Variants in KIZ observed in about 807,000 individuals in gnomAD.
The protein encoded by KIZ is centrosomal protein kizuna.
A neutral mutation model predicts 79.6 loss-of-function variants in KIZ; 68 were observed. The ratio of observed to expected loss-of-function variants is 0.85; its 90% CI spans 0.70 to 1.05. The LOEUF (loss-of-function observed/expected upper bound fraction) is 1.05. Ranked by LOEUF, KIZ falls within the 50% of genes least tolerant of loss-of-function variation. The pLI, the probability that KIZ is intolerant of heterozygous loss-of-function variation, is 0.00. For missense variants in KIZ, 797 were observed against 800.4 expected (o/e 1.00, Z 0.05); for synonymous variants, 280 against 281.8 (o/e 0.99, Z 0.06).
chr20:21,223,657 C>T (rs1287214975), intron 9 of KIZ, among the ~76,000 whole-genome samples: 1 of 149,940 alleles, frequency 6.7e-6, no homozygotes, highest in African/African-American at 2.5e-5. Flanking sequence ...CCTATTTTCT[C>T]TCTCTCTCTT....
intron 11 of KIZ, among the ~76,000 whole-genome samples, chr20:21,241,616 A>C (rs77955154): frequency 0.013 from 2,038 of 152,326 alleles, 51 homozygotes; most frequent in African/African-American, 0.047. Context: ...ACACTGTGTA[A>C]CCACAGGACA....
Position 21,228,719 on chromosome 20 carries a change from C to T in KIZ, c.1679-292C>T, listed in dbSNP as rs185081606. 3.9e-5 allele frequency among the ~76,000 whole-genome samples: 6 copies of T among 152,254 alleles called. No homozygotes were observed. The East Asian group carries it at 5.8e-4, about 15-fold the overall frequency. ...TCCCGTAGCTGTCTCTACAAGGCCC[C>T]GAGGGAAGTGAAACTGTTTTGCTGT... On this transcript the variant is annotated intron_variant, in intron 9 of 12. Coordinates refer to ENST00000619189, the MANE Select transcript of KIZ (RefSeq NM_018474.6).
chr20:21,202,611 G>T (rs569290654), intron 6 of KIZ, among the ~76,000 whole-genome samples: 8 of 152,246 alleles, frequency 5.3e-5, no homozygotes, highest in Non-Finnish European at 1.2e-4. Context: ...ATTGAGGAAG[G>T]TTCTGAACTG....
chr20:21,129,708 G>A (rs1301049539), intron 1 of KIZ, among the ~76,000 whole-genome samples: 2 of 151,436 alleles, frequency 1.3e-5, no homozygotes, highest in East Asian at 3.9e-4. Context: ...CTCCAGCTTG[G>A]GCAACAGAGT....
At chr20:21,142,335 T>G (rs2032600664) in intron 3 of KIZ, among the ~76,000 whole-genome samples, 1 of 151,642 alleles carries the variant, frequency 6.6e-6, no homozygotes, top group African/African-American at 2.4e-5. Context: ...CTCCTTGTCT[T>G]ATTATTTCAA....
intron 2 of KIZ, 49 bp from the exon 3 acceptor site, chr20:21,136,341 A>C (rs1209150393): frequency 1.9e-6 from 2 of 1,063,342 alleles, no homozygotes; most frequent in East Asian, 5.3e-5. Flanking sequence ...CCTTTCTTAG[A>C]TTCGTCCAAG....
intron 7 of KIZ, among the ~76,000 whole-genome samples, chr20:21,207,257 G>C (rs2035862883): frequency 6.6e-6 from 1 of 152,102 alleles, no homozygotes; most frequent in African/African-American, 2.4e-5. Flanking sequence ...AGCACCTTTA[G>C]TCCTCCTCAG....
At chr20:21,193,690 T>C (rs980832776) in intron 6 of KIZ, among the ~76,000 whole-genome samples, 7 of 151,336 alleles carry the variant, frequency 4.6e-5, no homozygotes, top group African/African-American at 1.7e-4. Context: ...AAATGATGAG[T>C]TCATGTCCTT....
At position 21,162,202 on chromosome 20, in the gene KIZ, A is replaced by G; in HGVS notation, c.737A>G (p.Glu246Gly). Residue 246 changes from glutamate (E) to glycine (G), a missense_variant, in exon 5 of 13, where the codon GAG becomes GGG. Coordinates refer to ENST00000619189, the MANE Select transcript of KIZ (RefSeq NM_018474.6). ...GTCACAGCCAGTGTATTGTCTGAGG[A>G]GGAACAAACTCATTGCTTGGAGATA... ...MPVTASVLSE[E>G]EQTHCLEIGS... 6.2e-7 allele frequency: 1 copy of G among 1,613,718 alleles called. No homozygotes were observed. The highest frequency in any genetic ancestry group is 8.5e-7 in the Non-Finnish European group (1 of 1,179,646).
intron 6 of KIZ, among the ~76,000 whole-genome samples, chr20:21,185,096 A>G (rs564905045): frequency 4.0e-5 from 6 of 149,030 alleles, no homozygotes; most frequent in South Asian, 2.1e-4. Flanking sequence ...ACGTGTGTGT[A>G]TGCACGTGCA....
chr20:21,213,308 G>C (rs1040537168), intron 7 of KIZ, among the ~76,000 whole-genome samples: 1 of 152,212 alleles, frequency 6.6e-6, no homozygotes, highest in African/African-American at 2.4e-5. Flanking sequence ...TCCATGCTCT[G>C]ACTCTCCCTG....
chr20:21,176,657 G>A (rs1347219416), intron 6 of KIZ, among the ~76,000 whole-genome samples: 1 of 151,992 alleles, frequency 6.6e-6, no homozygotes, highest in Non-Finnish European at 1.5e-5. Context: ...TTTCAGACTA[G>A]GAATTTAAAA....
chr20:21,200,295 G>A (rs2035539260), intron 6 of KIZ, among the ~76,000 whole-genome samples: 1 of 152,092 alleles, frequency 6.6e-6, no homozygotes, highest in South Asian at 2.1e-4. Context: ...TTTGGCACCA[G>A]GGACCAGTTT....
Position 21,162,918 on chromosome 20 carries a change from A to G in KIZ, c.1111A>G (p.Ser371Gly). 6.2e-7 allele frequency: 1 copy of G among 1,613,710 alleles called. No homozygotes were observed. Among genetic ancestry groups the G allele is most frequent in the East Asian group, 2.2e-5 (1 of 44,834 alleles). ...FRKMQEEEEE[S>G]WSTSSDLTIS... Reference sequence around the variant, plus strand: ...AAAAATGCAGGAAGAGGAGGAGGAAAGTTGGAGCACCAGCAGTGACCTTAC... The same window carrying G: ...AAAAATGCAGGAAGAGGAGGAGGAAGGTTGGAGCACCAGCAGTGACCTTAC... Residue 371 changes from serine to glycine, a missense_variant, in exon 6 of 13, where the codon AGT (serine) becomes GGT (glycine). Physicochemically the swap from Ser to Gly is moderately conservative, Grantham distance 56 (BLOSUM62 0). Transcript: ENST00000619189.
intron 6 of KIZ, among the ~76,000 whole-genome samples, chr20:21,189,086 C>T (rs1212927167): frequency 6.6e-6 from 1 of 152,086 alleles, no homozygotes; most frequent in Non-Finnish European, 1.5e-5. Flanking sequence ...TCAAGCAGTC[C>T]TCCCACATTG....
At chr20:21,236,996 TA>T (rs112003553) in intron 11 of KIZ, among the ~76,000 whole-genome samples, 2,263 of 130,016 alleles carry the variant, frequency 0.017, 22 homozygotes, top group African/African-American at 0.039. Flanking sequence ...AGACTCTGTT[TA>T]AAAAAAAAAA....
chr20:21,212,491 T>C (rs2036108779), intron 7 of KIZ, among the ~76,000 whole-genome samples: 1 of 152,268 alleles, frequency 6.6e-6, no homozygotes, highest in African/African-American at 2.4e-5. Flanking sequence ...ATTTGTAAGC[T>C]AATGTAAGTG....
chr20:21,191,779 A>G (rs2123033188), intron 6 of KIZ, among the ~76,000 whole-genome samples: 1 of 151,978 alleles, frequency 6.6e-6, no homozygotes, highest in Middle Eastern at 3.4e-3. Flanking sequence ...AAGAATTTTT[A>G]GTATATGAGG....
chr20:21,168,927 T>C (rs1401609204), intron 6 of KIZ, among the ~76,000 whole-genome samples: 5 of 152,126 alleles, frequency 3.3e-5, no homozygotes, highest in Non-Finnish European at 7.4e-5. Flanking sequence ...TATACAAAAA[T>C]TAATTCAAGA....
Sources: gnomAD v4.1 joint callset for allele counts (sites outside exome capture counted in the v4.1 genomes callset) on GRCh38, gnomAD v4.1.1 for gene constraint, MANE v1.5 for transcripts, NCBI Gene and HGNC (gene_info 2026-07-23, HGNC 2026-07-21) for gene names.